Variants in NOTCH1 observed in about 807,000 individuals in gnomAD.
NOTCH1 encodes the protein neurogenic locus notch homolog protein 1.
NOTCH1 carries 37 observed loss-of-function variants against 254.8 expected under a neutral mutation model. The observed-to-expected ratio is 0.15, with a 90% CI of 0.11 to 0.19. The LOEUF is 0.19. Among genes scored for constraint, NOTCH1 ranks in the 10% least tolerant of loss-of-function variants. NOTCH1 has a pLI of 1.00. For synonymous variants in NOTCH1, 1,731 were observed against 1,618.1 expected (o/e 1.07, Z -1.68); for missense variants, 2,972 against 3,708.6 (o/e 0.80, Z 5.16).
chr9:136,523,889 C>T lies in NOTCH1; in HGVS notation c.231G>A (p.Val77=), dbSNP rs774288166. 3.1e-6 allele frequency: 5 copies of T among 1,609,136 alleles called. No homozygotes were observed. Among genetic ancestry groups the T allele is most frequent in the South Asian group, 2.2e-5 (2 of 90,260 alleles). ...PCKNAGTCHV[V]DRRGVADYAC... is the part of the protein sequence containing the mutation. ...CATAGTCTGCCACGCCTCTGCGGTCCACCACGTGGCATGTCCCGGCGTTCT... is the reference window on the plus strand; with the variant it reads ...CATAGTCTGCCACGCCTCTGCGGTCTACCACGTGGCATGTCCCGGCGTTCT... The change falls in exon 3 of 34, where the codon GTG becomes GTA. Residue 77 remains valine (V), a synonymous_variant. Coordinates refer to ENST00000651671, the MANE Select transcript of NOTCH1 (RefSeq NM_017617.5).
At position 136,518,663 on chromosome 9, in the gene NOTCH1, C is replaced by T. The variant is rs1843317533; in HGVS notation, c.1027G>A (p.Ala343Thr). 6 of 1,612,094 alleles carry T rather than the reference C, an allele frequency of 3.7e-6. No individual in the cohort carries two copies. Among genetic ancestry groups the T allele is most frequent in the South Asian group, 2.2e-5 (2 of 91,042 alleles). ...SENIDDCASAACFHGATCHDR... is the reference protein window; with the variant it reads ...SENIDDCASATCFHGATCHDR... ...TGGCAGGTGGCGCCGTGGAAGCAGG[C>T]GGCGCTGGCACAGTCATCAATGTTC... Residue 343 changes from alanine (A) to threonine (T), a missense_variant, in exon 6 of 34, where the codon GCC (alanine) becomes ACC (threonine). Ala to Thr is a moderately conservative substitution (Grantham distance 58, BLOSUM62 0). This residue lies in a region of NOTCH1 where 90 missense variants were observed against 183.6 expected (regional missense o/e 0.49). Transcript: ENST00000651671.
intron 2 of NOTCH1, among the ~76,000 whole-genome samples, chr9:136,528,391 G>A (rs1281672057): frequency 4.5e-5 from 5 of 112,292 alleles, no homozygotes; most frequent in Non-Finnish European, 9.2e-5. Flanking sequence ...GGCAGGGACA[G>A]TGGGGGGGGA....
Position 136,495,988 on chromosome 9 carries a change from C to A in NOTCH1, c.*83G>T, listed in dbSNP as rs1842907542. The stretch of plus-strand genomic sequence containing the variant: ...AAACATGTGTTTTAAAAAGGCTCCT[C>A]TGGTCGGCCCTGGCATCCACAGAGC... On this transcript the variant is annotated 3_prime_UTR_variant, in exon 34 of 34. Transcript: ENST00000651671. 1.4e-6 allele frequency: 2 copies of A among 1,441,412 alleles called. No individual in the cohort carries two copies. Among genetic ancestry groups the A allele is most frequent in the Non-Finnish European group, 9.4e-7 (1 of 1,067,506 alleles). 89.3% of individuals were successfully genotyped at this position (1,441,412 alleles called of 1,614,324 possible). A position where few individuals can be genotyped will look rare whatever the true frequency, so the allele number is the denominator to read the frequency against.
chr9:136,539,586 C>T (rs1173021791), intron 2 of NOTCH1, among the ~76,000 whole-genome samples: 4 of 152,176 alleles, frequency 2.6e-5, no homozygotes, highest in South Asian at 2.1e-4. Flanking sequence ...ACGGGGGTTT[C>T]GCCATGTTGG....
intron 3 of NOTCH1, 30 bp downstream of exon 3, chr9:136,523,687 C>T: frequency 6.3e-7 from 1 of 1,582,012 alleles, no homozygotes; most frequent in Non-Finnish European, 8.6e-7. Context: ...CTGGGTCTGC[C>T]CACCCCTCAG....
At chr9:136,541,935 C>T (rs1041775249) in intron 2 of NOTCH1, among the ~76,000 whole-genome samples, 5 of 152,328 alleles carry the variant, frequency 3.3e-5, no homozygotes, top group East Asian at 1.9e-4. Flanking sequence ...GCAGGCTTCC[C>T]GCCAAGAAGG....
intron 31 of NOTCH1, among the ~76,000 whole-genome samples, chr9:136,499,676 G>C (rs576028352): frequency 2.3e-5 from 1 of 42,738 alleles, no homozygotes; most frequent in African/African-American, 1.1e-4. Context: ...TGCCCAGAGA[G>C]GGGGTGGGCA....
At chr9:136,536,205 A>T (rs1265963411) in intron 2 of NOTCH1, among the ~76,000 whole-genome samples, 1 of 152,186 alleles carries the variant, frequency 6.6e-6, no homozygotes, top group East Asian at 1.9e-4. Context: ...TCCTCCCGAC[A>T]GGGAGAAGTC....
rs990475305 is a variant in NOTCH1, at chr9:136,506,327, C to T, written c.4014+200G>A. ...GGGGACAGCCACCCCAGGGAGTCTA[C>T]TTCCTGCTCCATTTTTCTATAAATC... is the stretch of plus-strand genomic sequence containing the variant. On this transcript the variant is annotated intron_variant, in intron 24 of 33. Coordinates refer to ENST00000651671, the MANE Select transcript of NOTCH1 (RefSeq NM_017617.5). This position sits in a 1 kb window ranked among gnomAD's most constrained non-coding sequence, Gnocchi z 4.5. Among the ~76,000 whole-genome samples the T allele has an allele frequency of 1.3e-4, 20 of 151,930 alleles. No homozygotes were observed. Among genetic ancestry groups the T allele is most frequent in the South Asian group, 1.0e-3 (5 of 4,820 alleles).
In NOTCH1 at chr9:136,505,767, G is replaced by A. The variant is rs61751542; in HGVS notation, c.4129C>T (p.Pro1377Ser). 0.019 allele frequency: 30,625 copies of A among 1,587,054 alleles called. 441 individuals are homozygous for A. Among genetic ancestry groups the A allele is most frequent in the Middle Eastern group, 0.066 (395 of 5,942 alleles). Residue 1377 changes from proline to serine, a missense_variant, in exon 25 of 34, where the codon CCC becomes TCC. Pro to Ser is a moderately conservative substitution (Grantham distance 74, BLOSUM62 -1). Transcript: ENST00000651671. ...PRSPTCLCLGPFTGPECQFPA... is the reference protein window; with the variant it reads ...PRSPTCLCLGSFTGPECQFPA... ...AACTGGCATTCGGGGCCCGTGAAGGGGCCCAGGCACAGGCAGGTGGGGCTG... is the reference window on the plus strand; with the variant it reads ...AACTGGCATTCGGGGCCCGTGAAGGAGCCCAGGCACAGGCAGGTGGGGCTG...
At chr9:136,510,357 C>T (rs745308910) in intron 17 of NOTCH1, among the ~76,000 whole-genome samples, 13 of 152,290 alleles carry the variant, frequency 8.5e-5, no homozygotes, top group Non-Finnish European at 1.6e-4. Flanking sequence ...CAGCGGGGCC[C>T]GATGAGCCAG....
chr9:136,524,698 C>T (rs1449277036), intron 2 of NOTCH1, among the ~76,000 whole-genome samples: 2 of 137,132 alleles, frequency 1.5e-5, no homozygotes, highest in African/African-American at 5.6e-5. Context: ...AGTGCAGGGG[C>T]GCGATCTAGG....
rs571739078 is a variant in NOTCH1, at chr9:136,502,051, C to T, written c.5422G>A (p.Asp1808Asn). The T allele has an allele frequency of 3.1e-5, 50 of 1,613,326 alleles. No individual in the cohort carries two copies. In the East Asian group the frequency reaches 7.8e-4, roughly 25 times the overall value. The change falls in exon 29 of 34, where the codon GAC (aspartate) becomes AAC (asparagine). Residue 1808 changes from aspartate (D) to asparagine (N), a missense_variant. This residue lies in a region of NOTCH1 where 421 missense variants were observed against 604.4 expected (regional missense o/e 0.70). Coordinates refer to ENST00000651671, the MANE Select transcript of NOTCH1 (RefSeq NM_017617.5). ...KNASDGALMD[D>N]NQNEWGDEDL... ...TCGTCCCCCCACTCATTCTGGTTGT[C>T]GTCCATGAGGGCACCGTCTGAAGCG...
chr9:136,512,662 C>T (rs568253805), intron 15 of NOTCH1, among the ~76,000 whole-genome samples: 205 of 152,334 alleles, frequency 1.3e-3, no homozygotes, highest in African/African-American at 3.4e-3. Context: ...GACCCAGGCC[C>T]GGCCCTGCTA....
intron 15 of NOTCH1, among the ~76,000 whole-genome samples, chr9:136,511,820 G>A (rs1279881998): frequency 4.6e-5 from 7 of 152,186 alleles, no homozygotes; most frequent in African/African-American, 9.7e-5. Context: ...CCTGCGTGTC[G>A]GGGCACGGGG....
intron 2 of NOTCH1, among the ~76,000 whole-genome samples, chr9:136,531,361 C>T (rs549793824): frequency 4.0e-4 from 61 of 152,192 alleles, no homozygotes; most frequent in Non-Finnish European, 7.8e-4. Context: ...GGGACCAGAG[C>T]GGGGCAGGGC....
chr9:136,533,411 G>A (rs554703734), intron 2 of NOTCH1, among the ~76,000 whole-genome samples: 3 of 152,330 alleles, frequency 2.0e-5, no homozygotes, highest in Admixed American at 1.3e-4. Flanking sequence ...GTGTGTTTCC[G>A]CTCGTCAACA....
chr9:136,515,091 G>A lies in NOTCH1; in HGVS notation c.2014+199C>T, dbSNP rs1190660297. Among the ~76,000 whole-genome samples, 6 of 152,230 alleles carry A rather than the reference G, an allele frequency of 3.9e-5. No homozygotes were observed. The South Asian group carries it at 8.3e-4, about 21-fold the overall frequency. On this transcript the variant is annotated intron_variant, in intron 12 of 33. Transcript: ENST00000651671. ...AACACGGCCTGGGACAGCTCTGACC[G>A]GAGACAAGAGGGGTCGGGGGGACCC...
chr9:136,502,646 T>A, intron 27 of NOTCH1, 158 bp from the exon 28 acceptor site: 1 of 576,802 alleles, frequency 1.7e-6, no homozygotes, highest in Admixed American at 3.4e-5. Flanking sequence ...TTCTACGCGA[T>A]TAATCAGAAT....
Sources: allele counts gnomAD v4.1 joint callset (sites outside exome capture counted in the v4.1 genomes callset), GRCh38; gene constraint gnomAD v4.1.1; regional missense constraint gnomAD v4.1.1; non-coding constraint Gnocchi (gnomAD v3.1); transcripts MANE v1.5; gene names NCBI Gene and HGNC (gene_info 2026-07-23, HGNC 2026-07-21).